The following PLXNA1 variants were observed in gnomAD, a reference collection of about 807,000 sequenced individuals.
PLXNA1 encodes the protein plexin A1.
PLXNA1 carries 77 observed loss-of-function variants against 191.7 expected under a neutral mutation model. That is an observed-to-expected ratio of 0.40 (90% CI 0.33 to 0.49). The LOEUF is 0.49. Ranked by LOEUF, PLXNA1 falls within the 20% of genes least tolerant of loss-of-function variation. PLXNA1 has a pLI of 0.63. For synonymous variants in PLXNA1, 1,137 were observed against 1,156.4 expected (o/e 0.98, Z 0.34); for missense variants, 2,110 against 2,660.2 (o/e 0.79, Z 4.55).
chr3:126,997,520 G>A (rs2079019776), intron 3 of PLXNA1, among the ~76,000 whole-genome samples: 1 of 152,208 alleles, frequency 6.6e-6, no homozygotes, highest in Non-Finnish European at 1.5e-5. Flanking sequence ...TGTGGGGCCT[G>A]AGTGTGTGCT....
At chr3:126,994,594 C>G (rs73194717) in intron 3 of PLXNA1, among the ~76,000 whole-genome samples, 1 of 152,138 alleles carries the variant, frequency 6.6e-6, no homozygotes, top group Admixed American at 6.5e-5. Flanking sequence ...GACTCCAGTG[C>G]GAGGCCTCTG....
At position 127,005,186 on chromosome 3, in the gene PLXNA1, C is replaced by G. The variant is rs150750071; in HGVS notation, c.1840C>G (p.Arg614Gly). Residue 614 changes from arginine to glycine, a missense_variant, in exon 7 of 32, where the codon CGG becomes GGG. Around this residue, in one of 4 missense-constraint regions of PLXNA1, gnomAD observed 903 missense variants for 1,015.7 expected, o/e 0.89. Transcript: ENST00000393409. ...ATCTGAGAGCGTCCTGGAGGATGGC[C>G]GGATCCACTGCCGCTCACCCTCCGC... ...TESESVLEDG[R>G]IHCRSPSARE... The G allele has an allele frequency of 6.2e-7, 1 of 1,612,292 alleles. No homozygotes were observed. The highest frequency in any genetic ancestry group is 8.5e-7 in the Non-Finnish European group (1 of 1,179,792).
intron 29 of PLXNA1, among the ~76,000 whole-genome samples, chr3:127,031,101 G>A (rs547326671): frequency 6.6e-5 from 10 of 152,304 alleles, no homozygotes; most frequent in African/African-American, 2.2e-4. Context: ...ACAGTGACCT[G>A]CTTCTTCCCT....
chr3:127,008,517 G>C (rs938651063), intron 9 of PLXNA1, among the ~76,000 whole-genome samples: 6 of 152,218 alleles, frequency 3.9e-5, no homozygotes, highest in African/African-American at 1.4e-4. Context: ...TAGCAGGACA[G>C]GGCAGGACCC....
At chr3:127,025,446 G>T (rs571095034) in intron 23 of PLXNA1, among the ~76,000 whole-genome samples, 1 of 152,258 alleles carries the variant, frequency 6.6e-6, no homozygotes, top group East Asian at 1.9e-4. Flanking sequence ...ATTTGTTATG[G>T]TGAAATACAC....
At chr3:126,986,830 AGAGGC>A (rs1340971960) in intron 1 of PLXNA1, among the ~76,000 whole-genome samples, 1 of 152,352 alleles carries the variant, frequency 6.6e-6, no homozygotes, top group East Asian at 1.9e-4. Context: ...CACCAGGCAC[AGAGGC>A]TGATGGGACT....
At chr3:127,024,192 C>T (rs1034038119) in intron 23 of PLXNA1, among the ~76,000 whole-genome samples, 13 of 152,090 alleles carry the variant, frequency 8.5e-5, no homozygotes, top group East Asian at 1.9e-4. Context: ...TGTCTGATCC[C>T]GATTCTCCAC....
At position 127,027,921 on chromosome 3, in the gene PLXNA1, C is replaced by T. The variant is rs777631977; in HGVS notation, c.4363-19C>T. On this transcript the variant is annotated intron_variant, in intron 23 of 31. Transcript: ENST00000393409. The stretch of plus-strand genomic sequence containing the variant: ...GGCCCGGGGGTCCTGGCTGCAGCCT[C>T]ATGCCGCCACCCCCGCAGGAGTGCG... 7 of 1,612,718 alleles carry T rather than the reference C, an allele frequency of 4.3e-6. No homozygotes were observed. Among genetic ancestry groups the T allele is most frequent in the South Asian group, 3.3e-5 (3 of 91,060 alleles).
In PLXNA1 at chr3:126,991,536, C is replaced by T. The variant is rs373383019; in HGVS notation, c.1347C>T (p.Phe449=). 4.7e-5 allele frequency: 75 copies of T among 1,595,816 alleles called. No individual in the cohort carries two copies. The highest frequency in any genetic ancestry group is 1.7e-4 in the Middle Eastern group (1 of 5,820). The change falls in exon 3 of 32, where the codon TTC becomes TTT. Residue 449 remains phenylalanine, a synonymous_variant. Coordinates refer to ENST00000393409, the MANE Select transcript of PLXNA1 (RefSeq NM_032242.4). ...ACTATCGGGGCCGCACTGTGGTATTCGCCGGCACGCGAAGTGGCCGCATCC... is the reference window on the plus strand; with the variant it reads ...ACTATCGGGGCCGCACTGTGGTATTTGCCGGCACGCGAAGTGGCCGCATCC... ...AYDYRGRTVV[F]AGTRSGRIRK...
At chr3:127,016,881 AC>A (rs370227176) in intron 16 of PLXNA1, 62 bp from the exon 17 acceptor site, 2 of 1,472,148 alleles carry the variant, frequency 1.4e-6, no homozygotes, top group South Asian at 2.4e-5. Context: ...GCTGTGGCCC[AC>A]GTTTCCAGCT....
At chr3:127,006,766 G>A (rs1420783061) in intron 8 of PLXNA1, among the ~76,000 whole-genome samples, 1 of 152,140 alleles carries the variant, frequency 6.6e-6, no homozygotes, top group Non-Finnish European at 1.5e-5. Flanking sequence ...GTGTGTCTAG[G>A]AGGCAGCTGC....
chr3:127,013,558 C>A (rs2079106239), intron 10 of PLXNA1, among the ~76,000 whole-genome samples: 1 of 152,238 alleles, frequency 6.6e-6, no homozygotes, highest in Non-Finnish European at 1.5e-5. Context: ...CAGAGCTGCA[C>A]CTGACAGTGA....
At chr3:127,016,452 A>G (rs1412085470) in intron 15 of PLXNA1, 65 bp from the exon 16 acceptor site, 3 of 1,474,598 alleles carry the variant, frequency 2.0e-6, no homozygotes, top group African/African-American at 2.8e-5. Context: ...CCCTCAATGC[A>G]TCTGCATTCC....
chr3:127,017,901 G>A lies in PLXNA1; in HGVS notation c.3660+9G>A, dbSNP rs1390772742. ...GGCAGCACAAGGTCACGGTGCGTCT[G>A]TCCACCGGGGGTGCAGAGCTGGGAG... On this transcript the variant is annotated intron_variant, in intron 19 of 31. Transcript: ENST00000393409. 2 of 1,611,448 alleles carry A rather than the reference G, an allele frequency of 1.2e-6. No individual in the cohort carries two copies. Among genetic ancestry groups the A allele is most frequent in the Non-Finnish European group, 1.7e-6 (2 of 1,179,888 alleles).
intron 3 of PLXNA1, among the ~76,000 whole-genome samples, chr3:126,994,324 T>C (rs1303956636): frequency 6.6e-6 from 1 of 152,176 alleles, no homozygotes; most frequent in Non-Finnish European, 1.5e-5. Flanking sequence ...GCTGTCTGGC[T>C]AGCTCCTGCC....
At position 127,020,231 on chromosome 3, in the gene PLXNA1, G is replaced by A. The variant is rs2079145692; in HGVS notation, c.3925G>A (p.Glu1309Lys). Residue 1309 changes from glutamate to lysine, a missense_variant, in exon 21 of 32, where the codon GAG becomes AAG. Physicochemically the swap from Glu to Lys is moderately conservative, Grantham distance 56. Around this residue, in one of 4 missense-constraint regions of PLXNA1, gnomAD observed 559 missense variants for 911.5 expected, o/e 0.61. Coordinates refer to ENST00000393409, the MANE Select transcript of PLXNA1 (RefSeq NM_032242.4). The stretch of plus-strand genomic sequence containing the variant: ...TGCAGAGCTGCAGACAGACATCCAC[G>A]AGCTGACCAATGACCTGGACGGTGC... ...AFAELQTDIH[E>K]LTNDLDGAGI... 6.2e-7 allele frequency: 1 copy of A among 1,613,112 alleles called. No homozygotes were observed. The highest frequency in any genetic ancestry group is 1.1e-5 in the South Asian group (1 of 91,082).
intron 1 of PLXNA1, among the ~76,000 whole-genome samples, chr3:126,985,923 C>A (rs2107619048): frequency 6.6e-6 from 1 of 152,332 alleles, no homozygotes; most frequent in East Asian, 1.9e-4. Flanking sequence ...GGGGCTCCCC[C>A]TTTCTTGGCC....
intron 15 of PLXNA1, among the ~76,000 whole-genome samples, chr3:127,016,022 G>A (rs936436615): frequency 1.3e-5 from 2 of 152,136 alleles, no homozygotes; most frequent in Non-Finnish European, 2.9e-5. Context: ...CCCAGCACTC[G>A]GAGCCCCGGC....
intron 7 of PLXNA1, 107 bp downstream of exon 7, chr3:127,005,350 G>A: frequency 7.3e-7 from 1 of 1,360,852 alleles, no homozygotes; most frequent in African/African-American, 1.4e-5. Context: ...GGGCATGTTG[G>A]TGACACTCTG....
Sources: gnomAD v4.1 joint callset for allele counts (sites outside exome capture counted in the v4.1 genomes callset) on GRCh38, gnomAD v4.1.1 for gene constraint, gnomAD v4.1.1 regional missense constraint, MANE v1.5 for transcripts, NCBI Gene and HGNC (gene_info 2026-07-23, HGNC 2026-07-21) for gene names.